Variants in GRM7 observed in about 807,000 individuals in gnomAD.
The protein encoded by GRM7 is metabotropic glutamate receptor 7.
Under a neutral mutation model 84.5 loss-of-function variants are expected in GRM7, and 35 were observed. The observed-to-expected ratio is 0.41, with a 90% CI of 0.32 to 0.55. The LOEUF is 0.55. Among genes scored for constraint, GRM7 ranks in the 20% least tolerant of loss-of-function variants. The pLI, the probability that GRM7 is intolerant of heterozygous loss-of-function variation, is 0.19. For missense variants in GRM7, 1,003 were observed against 1,194.6 expected, an observed-to-expected ratio of 0.84 and a Z score of 2.36; for synonymous variants, 487 against 455.1, an observed-to-expected ratio of 1.07 and a Z score of -0.89.
intron 2 of GRM7, among the ~76,000 whole-genome samples, chr3:7,251,108 T>C (rs764870519): frequency 2.6e-5 from 4 of 152,256 alleles, no homozygotes; most frequent in Non-Finnish European, 5.9e-5. Flanking sequence ...GGTAAGGCAT[T>C]GGACTATTAT....
chr3:7,175,222 C>T (rs538477341), intron 2 of GRM7, among the ~76,000 whole-genome samples: 39 of 152,358 alleles, frequency 2.6e-4, no homozygotes, highest in African/African-American at 9.1e-4. Context: ...CAGCTCTCTG[C>T]AATGCAGCCA....
intron 1 of GRM7, among the ~76,000 whole-genome samples, chr3:6,963,081 G>A (rs1422321236): frequency 1.3e-5 from 2 of 152,184 alleles, no homozygotes; most frequent in Non-Finnish European, 2.9e-5. Context: ...GATTAAAAAA[G>A]AGCCTTGGTG....
intron 1 of GRM7, among the ~76,000 whole-genome samples, chr3:7,134,256 C>A (rs984659177): frequency 1.3e-5 from 2 of 152,038 alleles, no homozygotes; most frequent in African/African-American, 4.8e-5. Context: ...CAGCTATTAA[C>A]CATAAGACAA....
chr3:7,283,760 C>T (rs765876576), intron 2 of GRM7, among the ~76,000 whole-genome samples: 1 of 152,168 alleles, frequency 6.6e-6, no homozygotes, highest in Non-Finnish European at 1.5e-5. Flanking sequence ...AAGTTCTACA[C>T]ATGGACTTTA....
intron 7 of GRM7, among the ~76,000 whole-genome samples, chr3:7,503,384 G>A (rs927539018): frequency 8.0e-5 from 12 of 149,870 alleles, no homozygotes; most frequent in Admixed American, 1.3e-4. Flanking sequence ...AAATGTGCAC[G>A]CACATGCACA....
At chr3:7,403,463 T>C (rs1022325930) in intron 4 of GRM7, among the ~76,000 whole-genome samples, 1 of 151,194 alleles carries the variant, frequency 6.6e-6, no homozygotes, top group Non-Finnish European at 1.5e-5. Flanking sequence ...GTATAATCTC[T>C]ATGTAGCAGA....
At chr3:7,491,929 C>T (rs1022696311) in intron 7 of GRM7, among the ~76,000 whole-genome samples, 1 of 152,122 alleles carries the variant, frequency 6.6e-6, no homozygotes, top group African/African-American at 2.4e-5. Context: ...CCCTGTTCTA[C>T]CCGGCAAGGA....
intron 2 of GRM7, among the ~76,000 whole-genome samples, chr3:7,266,310 G>T (rs1698636811): frequency 6.6e-6 from 1 of 152,180 alleles, no homozygotes; most frequent in South Asian, 2.1e-4. Context: ...AGAAAGCATT[G>T]AGTTTGAATA....
chr3:7,572,900 A>G (rs1408830917), intron 7 of GRM7, among the ~76,000 whole-genome samples: 1 of 127,690 alleles, frequency 7.8e-6, no homozygotes, highest in Non-Finnish European at 1.6e-5. Flanking sequence ...TCTACCTATA[A>G]TAATTCTTTC....
chr3:7,407,923 A>G (rs553689899), intron 4 of GRM7, among the ~76,000 whole-genome samples: 41 of 152,182 alleles, frequency 2.7e-4, no homozygotes, highest in African/African-American at 9.2e-4. Context: ...GTCTGAGATA[A>G]TTTTCTATTA....
chr3:7,402,890 C>T (rs1695512311), intron 4 of GRM7, among the ~76,000 whole-genome samples: 1 of 151,154 alleles, frequency 6.6e-6, no homozygotes, highest in Non-Finnish European at 1.5e-5. Flanking sequence ...TTCTTTTCCC[C>T]TCAATCATTA....
chr3:7,346,522 T>G (rs968513510), intron 4 of GRM7, among the ~76,000 whole-genome samples: 2 of 152,134 alleles, frequency 1.3e-5, no homozygotes, highest in East Asian at 3.9e-4. Context: ...AGAATCATAT[T>G]CCAGGGGGAT....
chr3:7,443,395 C>T (rs960902241), intron 5 of GRM7, among the ~76,000 whole-genome samples: 2 of 152,050 alleles, frequency 1.3e-5, no homozygotes, highest in African/African-American at 4.8e-5. Flanking sequence ...TAGCTAGTCT[C>T]TCCCTTCTCT....
chr3:7,079,420 G>A (rs1277724620), intron 1 of GRM7, among the ~76,000 whole-genome samples: 3 of 152,088 alleles, frequency 2.0e-5, no homozygotes, highest in South Asian at 2.1e-4. Context: ...GATTAAAACC[G>A]AAATATCTTA....
At chr3:7,588,244 A>G (rs777880080) in intron 8 of GRM7, among the ~76,000 whole-genome samples, 78 of 152,210 alleles carry the variant, frequency 5.1e-4, no homozygotes, top group Non-Finnish European at 9.3e-4. Flanking sequence ...AACTGCAAGC[A>G]GTTCCTAATG....
At chr3:7,704,957 C>T (rs765843914) in intron 9 of GRM7, among the ~76,000 whole-genome samples, 13 of 152,164 alleles carry the variant, frequency 8.5e-5, no homozygotes, top group Non-Finnish European at 1.8e-4. Flanking sequence ...AAACCTGGGA[C>T]AAATCACCAG....
intron 1 of GRM7, among the ~76,000 whole-genome samples, chr3:6,969,030 T>A (rs507385): frequency 0.93 from 141,039 of 152,216 alleles, 65,498 homozygotes; most frequent in East Asian, 1. Flanking sequence ...GTAGCATAAA[T>A]TTGGTTATAT....
chr3:6,924,948 CT>C (rs1278429255), intron 1 of GRM7, among the ~76,000 whole-genome samples: 16 of 152,104 alleles, frequency 1.1e-4, no homozygotes, highest in Non-Finnish European at 1.9e-4. Flanking sequence ...TGACCCTTGA[CT>C]CTTGTTTCAT....
chr3:7,550,868 A>C (rs1391523727), intron 7 of GRM7, among the ~76,000 whole-genome samples: 1 of 152,060 alleles, frequency 6.6e-6, no homozygotes, highest in East Asian at 1.9e-4. Context: ...AATTGACTTA[A>C]TCTTTAATTT....
Sources: gnomAD v4.1 joint callset for allele counts (sites outside exome capture counted in the v4.1 genomes callset) on GRCh38, gnomAD v4.1.1 for gene constraint, MANE v1.5 for transcripts, NCBI Gene and HGNC (gene_info 2026-07-23, HGNC 2026-07-21) for gene names.